The following DNAH11 variants were observed in gnomAD, a reference collection of about 807,000 sequenced individuals.
The protein encoded by DNAH11 is axonemal beta dynein heavy chain 11.
In DNAH11, 442 loss-of-function variants were observed where a neutral mutation model predicts 526.0. That is an observed-to-expected ratio of 0.84 (90% CI 0.78 to 0.91). The LOEUF (loss-of-function observed/expected upper bound fraction) is 0.91, where lower values mean the gene tolerates loss of function less well. Among genes scored for constraint, DNAH11 ranks in the 40% least tolerant of loss-of-function variants. The pLI is 0.00. For synonymous variants in DNAH11, 2,461 were observed against 1,935.9 expected (o/e 1.27, Z -7.12); for missense variants, 6,989 against 5,448.7 (o/e 1.28, Z -8.90).
intron 30 of DNAH11, among the ~76,000 whole-genome samples, chr7:21,675,916 G>A (rs776291173): frequency 3.3e-5 from 5 of 152,126 alleles, no homozygotes; most frequent in Non-Finnish European, 7.4e-5. Flanking sequence ...GCCAGGGAAG[G>A]CCAATTTGAG....
chr7:21,700,360 G>C (rs993507407), intron 36 of DNAH11, among the ~76,000 whole-genome samples: 2 of 152,188 alleles, frequency 1.3e-5, no homozygotes, highest in African/African-American at 4.8e-5. Context: ...ACAGAAATGG[G>C]TTTGGGAAAA....
chr7:21,699,743 GA>G (rs55917323), intron 36 of DNAH11, among the ~76,000 whole-genome samples: 18,122 of 151,434 alleles, frequency 0.12, 1,383 homozygotes, highest in East Asian at 0.4. Flanking sequence ...CAAGTCAGAA[GA>G]AAAAAATGTA....
chr7:21,900,957 C>T lies in DNAH11; in HGVS notation c.13304-50C>T, dbSNP rs776498919. ...ATCAAACAACTTACTTGATCATTAT[C>T]ATTAGTAGCAAGCTGCCACACAATT... On this transcript the variant is annotated intron_variant, in intron 81 of 81. Coordinates refer to ENST00000409508, the MANE Select transcript of DNAH11 (RefSeq NM_001277115.2). 15 of 1,516,940 alleles carry T rather than the reference C, an allele frequency of 9.9e-6. No individual in the cohort carries two copies. In the African/African-American group the frequency reaches 1.5e-4, roughly 16 times the overall value. The allele number at this position is 1,516,940 out of a possible 1,614,324, so 94.0% of individuals were successfully genotyped here. A position where few individuals can be genotyped will look rare whatever the true frequency, so the allele number is the denominator to read the frequency against.
chr7:21,786,958 A>G (rs975316588), intron 59 of DNAH11, among the ~76,000 whole-genome samples, 191 bp downstream of exon 59: 1 of 152,242 alleles, frequency 6.6e-6, no homozygotes, highest in Non-Finnish European at 1.5e-5. Context: ...GCTTGGGGTT[A>G]TGGCATACCT....
chr7:21,746,442 AT>A (rs1298937176), intron 51 of DNAH11, among the ~76,000 whole-genome samples: 4 of 151,134 alleles, frequency 2.6e-5, no homozygotes, highest in East Asian at 1.9e-4. Context: ...CATCTCTACA[AT>A]TTTTTTTTAA....
intron 65 of DNAH11, among the ~76,000 whole-genome samples, chr7:21,825,959 CAAA>C (rs56255077): frequency 1.5e-5 from 1 of 68,288 alleles, no homozygotes; most frequent in Admixed American, 1.6e-4. Flanking sequence ...ACTCTGTCTC[CAAA>C]AAAAAAAAAA....
chr7:21,567,623 T>A (rs1562666517), intron 6 of DNAH11, among the ~76,000 whole-genome samples: 2 of 152,188 alleles, frequency 1.3e-5, no homozygotes, highest in Admixed American at 6.6e-5. Context: ...GTGGAACAGG[T>A]GCTGTGTAGA....
At position 21,842,680 on chromosome 7, in the gene DNAH11, G is replaced by A; in HGVS notation, c.10828G>A (p.Asp3610Asn). The change falls in exon 66 of 82, where the codon GAT becomes AAT. Residue 3610 changes from aspartate (D) to asparagine (N), a missense_variant. Coordinates refer to ENST00000409508, the MANE Select transcript of DNAH11 (RefSeq NM_001277115.2). The part of the protein sequence containing the change: ...TTLLNFTVTE[D>N]GLEAQLLAEV... ...TCTCCTCAATTTCACAGTCACAGAA[G>A]ATGGTCTAGAAGCCCAGCTGCTGGC... 1 of 1,613,842 alleles carries A rather than the reference G, an allele frequency of 6.2e-7. No individual in the cohort carries two copies. Among genetic ancestry groups the A allele is most frequent in the Non-Finnish European group, 8.5e-7 (1 of 1,179,812 alleles).
In DNAH11 at chr7:21,725,944, AAAT is replaced by A. The variant is rs1785084325; in HGVS notation, c.7401_7403del (p.Lys2467_Ile2468delinsAsn). 1 of 1,560,680 alleles carries A rather than the reference AAAT, an allele frequency of 6.4e-7. No individual in the cohort carries two copies. The highest frequency in any genetic ancestry group is 8.7e-7 in the Non-Finnish European group (1 of 1,151,426). On this transcript the variant is annotated inframe_deletion, in exon 45 of 82. Transcript: ENST00000409508. ...AAGAAATTATTGCCCTGGGCTGACA[AAAT>A]TGCCCAGTTTACTATGGATCCAGAT...
intron 28 of DNAH11, among the ~76,000 whole-genome samples, chr7:21,650,733 G>T (rs868614937): frequency 1.3e-5 from 2 of 151,326 alleles, no homozygotes; most frequent in Non-Finnish European, 2.9e-5. Flanking sequence ...TCTGCCTCCC[G>T]GGTTCAAGCG....
At chr7:21,575,273 C>T (rs992515965) in intron 8 of DNAH11, among the ~76,000 whole-genome samples, 1 of 152,168 alleles carries the variant, frequency 6.6e-6, no homozygotes, top group African/African-American at 2.4e-5. Flanking sequence ...GGGAACTCAC[C>T]TGAGGACCTA....
rs368444771 is a variant in DNAH11 at position 21,681,614 on chromosome 7, C to A, written c.5397C>A (p.Ile1799=). The part of the protein sequence containing the change: ...GELPPGDRQK[I]MTICTIDVHA... Reference sequence around the variant, plus strand: ...TTCCACCTGGAGACAGACAGAAGATCATGACAATTTGTACCATAGATGTCC... The same window carrying A: ...TTCCACCTGGAGACAGACAGAAGATAATGACAATTTGTACCATAGATGTCC... The change falls in exon 31 of 82, where the codon ATC becomes ATA. Residue 1799 remains isoleucine, a synonymous_variant. Transcript: ENST00000409508. 35 of 1,613,886 alleles carry A rather than the reference C, an allele frequency of 2.2e-5. No individual in the cohort carries two copies. The African/African-American group carries it at 3.7e-4, about 17-fold the overall frequency.
intron 34 of DNAH11, 71 bp downstream of exon 34, chr7:21,687,598 A>G: frequency 1.3e-6 from 2 of 1,522,214 alleles, no homozygotes. Context: ...CCTCCCCTTC[A>G]CTGTCTATTG....
intron 9 of DNAH11, among the ~76,000 whole-genome samples, chr7:21,587,506 C>T (rs1022672097): frequency 1.3e-5 from 2 of 152,120 alleles, no homozygotes; most frequent in African/African-American, 2.4e-5. Context: ...CAGTCATCCA[C>T]CTGTGGAGTG....
Position 21,816,625 on chromosome 7 carries a change from T to A in DNAH11, c.10491T>A (p.Asp3497Glu). The A allele has an allele frequency of 6.2e-7, 1 of 1,613,624 alleles. No individual in the cohort carries two copies. The highest frequency in any genetic ancestry group is 8.5e-7 in the Non-Finnish European group (1 of 1,179,788). The change falls in exon 64 of 82, where the codon GAT (aspartate) becomes GAA (glutamate). Residue 3497 changes from aspartate to glutamate, a missense_variant. Transcript: ENST00000409508. ...THCERWPLVIDPQQQGIKWIK... is the reference protein window; with the variant it reads ...THCERWPLVIEPQQQGIKWIK... ...GTGAGCGCTGGCCTCTGGTGATAGA[T>A]CCCCAGCAACAGGGAATTAAGTGGA...
At chr7:21,771,505 G>A (rs929886084) in intron 55 of DNAH11, among the ~76,000 whole-genome samples, 1 of 152,164 alleles carries the variant, frequency 6.6e-6, no homozygotes, top group African/African-American at 2.4e-5. Context: ...AGCCAACTGA[G>A]AGAGTAGAAA....
At position 21,892,612 on chromosome 7, in the gene DNAH11, T is replaced by C; in HGVS notation, c.12695T>C (p.Met4232Thr). Residue 4232 changes from methionine to threonine, a missense_variant, in exon 77 of 82, where the codon ATG becomes ACG. By Grantham distance (81) the Met-to-Thr change is moderately conservative. Transcript: ENST00000409508. ...SNTLFRTLLE[M>T]QPRNALSGDE... is the part of the protein sequence containing the mutation. ...ACTCTCTTCAGAACTTTGCTGGAGA[T>C]GCAGCCCAGGAATGCACTCAGTGGT... 6.2e-7 allele frequency: 1 copy of C among 1,613,704 alleles called. No individual in the cohort carries two copies.
chr7:21,900,951 C>T (rs1321755607), intron 81 of DNAH11, 56 bp from the exon 82 acceptor site: 10 of 1,503,992 alleles, frequency 6.6e-6, no homozygotes, highest in South Asian at 1.4e-5. Context: ...CTTACTTGAT[C>T]ATTATCATTA....
intron 54 of DNAH11, among the ~76,000 whole-genome samples, chr7:21,754,899 T>A (rs1170469174): frequency 6.6e-6 from 1 of 152,234 alleles, no homozygotes; most frequent in Admixed American, 6.5e-5. Flanking sequence ...ATCCTTGGAA[T>A]TTTAAAGAAT....
Sources: gnomAD v4.1 joint callset for allele counts (sites outside exome capture counted in the v4.1 genomes callset) on GRCh38, gnomAD v4.1.1 for gene constraint, MANE v1.5 for transcripts, NCBI Gene and HGNC (gene_info 2026-07-23, HGNC 2026-07-21) for gene names.